The following FER1L6 variants were observed in gnomAD, a reference collection of about 807,000 sequenced individuals.
The protein encoded by FER1L6 is fer-1 like family member 6, also known as fer-1-like protein 6.
A neutral mutation model predicts 219.2 loss-of-function variants in FER1L6; 177 were observed. The observed-to-expected ratio is 0.81, with a 90% CI of 0.71 to 0.91. The LOEUF (loss-of-function observed/expected upper bound fraction) is 0.91. Among genes scored for constraint, FER1L6 ranks in the 40% least tolerant of loss-of-function variants. FER1L6 has a pLI of 0.00. For missense variants in FER1L6, 2,153 were observed against 2,259.9 expected, an observed-to-expected ratio of 0.95 and a Z score of 0.96; for synonymous variants, 768 against 824.3, an observed-to-expected ratio of 0.93 and a Z score of 1.17.
In FER1L6 at chr8:124,045,876, T is replaced by G. The variant is rs1586633087; in HGVS notation, c.2699T>G (p.Val900Gly). 6.2e-7 allele frequency: 1 copy of G among 1,613,972 alleles called. No homozygotes were observed. The highest frequency in any genetic ancestry group is 2.2e-5 in the East Asian group (1 of 44,878). The change falls in exon 21 of 41, where the codon GTG (valine) becomes GGG (glycine). Residue 900 changes from valine (V) to glycine (G), a missense_variant. Transcript: ENST00000522917. ...GCAGAGTCCCCGCCCTTAGTGGTGG[T>G]GGAGCTGTATGACAGCGACGCTGTG... is the stretch of plus-strand genomic sequence containing the variant. ...ELAESPPLVVVELYDSDAVGK... is the reference protein window; with the variant it reads ...ELAESPPLVVGELYDSDAVGK...
intron 12 of FER1L6, among the ~76,000 whole-genome samples, chr8:123,995,023 C>G (rs1280452749): frequency 6.6e-6 from 1 of 152,236 alleles, no homozygotes; most frequent in African/African-American, 2.4e-5. Context: ...CAATTTATCT[C>G]CTTCTCACAG....
At position 124,057,566 on chromosome 8, in the gene FER1L6, T is replaced by TCCTCCTCTTTTCTCTTCTCTC. The variant is rs1209553251; in HGVS notation, c.2875-2610_2875-2590dup. 2.6e-5 allele frequency among the ~76,000 whole-genome samples: 4 copies of TCCTCCTCTTTTCTCTTCTCTC among 152,138 alleles called. No homozygotes were observed. In the East Asian group the frequency reaches 7.7e-4, roughly 29 times the overall value. On this transcript the variant is annotated intron_variant, in intron 22 of 40. Coordinates refer to ENST00000522917, the MANE Select transcript of FER1L6 (RefSeq NM_001039112.2). ...AAAGATTGCTTCTGTCCTGTTCTATTCCTCCTCTTTTCTCTTCTCTCCCTT... is the reference window on the plus strand; with the variant it reads ...AAAGATTGCTTCTGTCCTGTTCTATTCCTCCTCTTTTCTCTTCTCTCCCTCCTCTTTTCTCTTCTCTCCCTT...
chr8:124,038,820 T>C (rs2130722282), intron 19 of FER1L6, among the ~76,000 whole-genome samples: 1 of 152,302 alleles, frequency 6.6e-6, no homozygotes, highest in South Asian at 2.1e-4. Flanking sequence ...TAAGTAGCGT[T>C]ATTCAAGTTA....
intron 12 of FER1L6, among the ~76,000 whole-genome samples, chr8:123,999,819 C>G (rs771238147): frequency 1.3e-5 from 2 of 152,122 alleles, no homozygotes; most frequent in Admixed American, 1.3e-4. Flanking sequence ...CCTCCTCAAG[C>G]AGAGGGAAGG....
intron 1 of FER1L6, among the ~76,000 whole-genome samples, chr8:123,942,713 G>C (rs184624807): frequency 1.3e-5 from 2 of 152,252 alleles, no homozygotes; most frequent in East Asian, 3.9e-4. Flanking sequence ...TGGATTTAGG[G>C]TCCACTGGGT....
At chr8:124,106,452 T>C (rs746827147) in intron 39 of FER1L6, among the ~76,000 whole-genome samples, 71 of 152,040 alleles carry the variant, frequency 4.7e-4, no homozygotes, top group Admixed American at 1.6e-3. Flanking sequence ...TGAATGTGGA[T>C]TGTTGAGTGA....
intron 27 of FER1L6, 72 bp downstream of exon 27, chr8:124,066,622 C>T (rs1820841865): frequency 1.3e-6 from 2 of 1,528,008 alleles, no homozygotes; most frequent in Admixed American, 1.9e-5. Flanking sequence ...TACCCTAAGT[C>T]CTACATAACC....
intron 18 of FER1L6, among the ~76,000 whole-genome samples, chr8:124,031,689 G>A (rs1255758347): frequency 6.6e-6 from 1 of 152,168 alleles, no homozygotes; most frequent in Non-Finnish European, 1.5e-5. Context: ...CTAACCTGGG[G>A]GTGAATGGGA....
At position 123,966,158 on chromosome 8, in the gene FER1L6, G is replaced by C; in HGVS notation, c.253-1G>C. ...GGTGTCCACACTGCTTTGTGTTGCA[G>C]ATTGCCATAACCATCACCGAGGCTC... On this transcript the variant is annotated splice_acceptor_variant, in intron 4 of 40. Coordinates refer to ENST00000522917, the MANE Select transcript of FER1L6 (RefSeq NM_001039112.2). LOFTEE classifies it high-confidence loss of function. 1 of 1,613,996 alleles carries C rather than the reference G, an allele frequency of 6.2e-7. No homozygotes were observed. Among genetic ancestry groups the C allele is most frequent in the South Asian group, 1.1e-5 (1 of 91,048 alleles).
chr8:123,885,751 G>A lies in FER1L6; in HGVS notation c.-8+33566G>A, dbSNP rs548159923. On this transcript the variant is annotated intron_variant, in intron 1 of 40. Coordinates refer to ENST00000522917, the MANE Select transcript of FER1L6 (RefSeq NM_001039112.2). The stretch of plus-strand genomic sequence containing the variant: ...ACAGCCATGGAGAAAGCCTGGGCCA[G>A]GGGCGGGAGACCTGGGTTCTGGCAG... Among the ~76,000 whole-genome samples the A allele has an allele frequency of 5.9e-5, 9 of 152,292 alleles. No homozygotes were observed. The East Asian group carries it at 1.5e-3, about 26-fold the overall frequency.
At chr8:123,968,972 G>C (rs1815678283) in intron 5 of FER1L6, among the ~76,000 whole-genome samples, 1 of 152,020 alleles carries the variant, frequency 6.6e-6, no homozygotes, top group African/African-American at 2.4e-5. Context: ...GTCCCCCTCA[G>C]TTCCCAAAAC....
chr8:123,944,923 T>C (rs1255634128), intron 1 of FER1L6, among the ~76,000 whole-genome samples: 1 of 152,192 alleles, frequency 6.6e-6, no homozygotes, highest in Non-Finnish European at 1.5e-5. Flanking sequence ...GACACATATC[T>C]CTCTATAAGT....
intron 1 of FER1L6, among the ~76,000 whole-genome samples, chr8:123,953,577 A>G (rs1814875434): frequency 6.6e-6 from 1 of 152,204 alleles, no homozygotes; most frequent in African/African-American, 2.4e-5. Flanking sequence ...GCCCCAATGC[A>G]TCAGGCGCTG....
At chr8:124,049,486 A>C (rs1819900505) in intron 21 of FER1L6, 121 bp from the exon 22 acceptor site, 2 of 1,141,026 alleles carry the variant, frequency 1.8e-6, no homozygotes, top group African/African-American at 3.1e-5. Context: ...AGGAGAAAAG[A>C]GTGAGACATG....
chr8:124,011,895 T>C (rs1817950579), intron 14 of FER1L6, among the ~76,000 whole-genome samples: 1 of 152,140 alleles, frequency 6.6e-6, no homozygotes, highest in Admixed American at 6.5e-5. Context: ...GCATAATACC[T>C]GGCACGTGAT....
chr8:123,976,534 C>G (rs187494801), intron 9 of FER1L6, among the ~76,000 whole-genome samples: 2,451 of 151,294 alleles, frequency 0.016, 31 homozygotes, highest in Non-Finnish European at 0.024. Context: ...GAAAAGGCAA[C>G]GGGATGTGGC....
intron 22 of FER1L6, among the ~76,000 whole-genome samples, chr8:124,051,913 T>C (rs767254221): frequency 6.6e-6 from 1 of 152,142 alleles, no homozygotes; most frequent in Non-Finnish European, 1.5e-5. Context: ...AATGGCTGCC[T>C]TGGAGAAAAA....
chr8:123,972,482 C>A (rs1320111266), intron 6 of FER1L6, among the ~76,000 whole-genome samples: 1 of 152,204 alleles, frequency 6.6e-6, no homozygotes, highest in Non-Finnish European at 1.5e-5. Context: ...TGTATAACTT[C>A]CAACTGGTGC....
intron 31 of FER1L6, among the ~76,000 whole-genome samples, chr8:124,072,291 G>T (rs1374635579): frequency 6.6e-6 from 1 of 152,184 alleles, no homozygotes; most frequent in East Asian, 1.9e-4. Context: ...GTATTTCCAA[G>T]AAAGATGTTA....
Sources: allele counts gnomAD v4.1 joint callset (sites outside exome capture counted in the v4.1 genomes callset), GRCh38; gene constraint gnomAD v4.1.1; transcripts MANE v1.5; gene names NCBI Gene and HGNC (gene_info 2026-07-23, HGNC 2026-07-21).